KCNK10: variants seen among roughly 807,000 people sequenced by gnomAD.
KCNK10 encodes potassium channel subfamily K member 10.
KCNK10 carries 25 observed loss-of-function variants against 47.7 expected under a neutral mutation model. That is an observed-to-expected ratio of 0.52 (90% CI 0.38 to 0.73). The LOEUF is 0.73. Among genes scored for constraint, KCNK10 ranks in the 30% least tolerant of loss-of-function variants. The pLI is 0.00. For missense variants in KCNK10, 563 were observed against 714.5 expected, an observed-to-expected ratio of 0.79 and a Z score of 2.42; for synonymous variants, 303 against 285.6, an observed-to-expected ratio of 1.06 and a Z score of -0.61.
At chr14:88,192,012 A>G (rs1320290073) in intron 5 of KCNK10, among the ~76,000 whole-genome samples, 2 of 152,234 alleles carry the variant, frequency 1.3e-5, no homozygotes, top group African/African-American at 4.8e-5. Flanking sequence ...TGAGAAGGAA[A>G]GGGTTGGCTT....
intron 1 of KCNK10, among the ~76,000 whole-genome samples, chr14:88,309,652 T>C (rs189555880): frequency 4.9e-4 from 75 of 152,278 alleles, no homozygotes; most frequent in Non-Finnish European, 9.0e-4. Context: ...CCAACACCCG[T>C]TGGCATTGCC....
chr14:88,244,521 T>C (rs1439245463), intron 2 of KCNK10, among the ~76,000 whole-genome samples: 5 of 151,942 alleles, frequency 3.3e-5, no homozygotes, highest in African/African-American at 1.2e-4. Context: ...ACAAAAATAT[T>C]AGCCAGGCGT....
intron 3 of KCNK10, among the ~76,000 whole-genome samples, chr14:88,232,023 G>T (rs548197936): frequency 7.9e-5 from 12 of 152,216 alleles, no homozygotes; most frequent in African/African-American, 2.9e-4. Context: ...AGCCTTTCTG[G>T]AAAGAAATTT....
chr14:88,288,819 G>T (rs1048625530), intron 1 of KCNK10, among the ~76,000 whole-genome samples: 1 of 152,082 alleles, frequency 6.6e-6, no homozygotes, highest in Non-Finnish European at 1.5e-5. Context: ...TCTTGCCCAG[G>T]GCCTTACAGG....
At chr14:88,303,792 TA>T in intron 1 of KCNK10, among the ~76,000 whole-genome samples, 1 of 152,284 alleles carries the variant, frequency 6.6e-6, no homozygotes, top group Middle Eastern at 3.4e-3. Context: ...TTCTTTTTTT[TA>T]TCAATGATGT....
intron 1 of KCNK10, among the ~76,000 whole-genome samples, chr14:88,287,423 G>C (rs1296537341): frequency 6.6e-6 from 1 of 152,074 alleles, no homozygotes; most frequent in African/African-American, 2.4e-5. Context: ...CCCATCACCC[G>C]AGCAGTGTAC....
chr14:88,316,438 G>A (rs1888432059), intron 1 of KCNK10, among the ~76,000 whole-genome samples: 1 of 152,168 alleles, frequency 6.6e-6, no homozygotes, highest in East Asian at 1.9e-4. Context: ...TAGATAAACT[G>A]TAAAGTCTCC....
intron 5 of KCNK10, among the ~76,000 whole-genome samples, chr14:88,189,928 T>G (rs1469170495): frequency 6.6e-6 from 1 of 152,190 alleles, no homozygotes. Flanking sequence ...GGGTCTGGCC[T>G]AACTGCAGTC....
At chr14:88,216,847 GC>G (rs1885635894) in intron 4 of KCNK10, among the ~76,000 whole-genome samples, 1 of 152,092 alleles carries the variant, frequency 6.6e-6, no homozygotes, top group Non-Finnish European at 1.5e-5. Context: ...TAAAACCAGG[GC>G]CTTCTCTCTG....
rs1281578013 is a variant in KCNK10, at chr14:88,203,074, T to C, written c.682-10664A>G. On this transcript the variant is annotated intron_variant, in intron 4 of 6. Transcript: ENST00000319231. The stretch of plus-strand genomic sequence containing the variant: ...GAGCAGACATATCTTGGATGTTATA[T>C]AAAGAAACAGGGACCCTGTGGAAGC... Among the ~76,000 whole-genome samples the C allele has an allele frequency of 2.0e-5, 3 of 152,242 alleles. No homozygotes were observed. In the East Asian group the frequency reaches 5.8e-4, roughly 29 times the overall value.
rs1884383031 is a variant in KCNK10 at position 88,182,044 on chromosome 14, AC to A, written c.*3490del. On this transcript the variant is annotated 3_prime_UTR_variant, in exon 7 of 7. Coordinates refer to ENST00000319231, the MANE Select transcript of KCNK10 (RefSeq NM_138317.3). ...CAACACCACCCCAACCCGCACACAC[AC>A]ACACACACACACACACACACACACA... is the stretch of plus-strand genomic sequence containing the variant. 3 of 92,094 alleles carry A rather than the reference AC, an allele frequency of 3.3e-5. No individual in the cohort carries two copies. Among genetic ancestry groups the A allele is most frequent in the South Asian group, 2.9e-4 (1 of 3,436 alleles). The allele number at this position is 92,094 out of a possible 1,614,324, so 5.7% of individuals were successfully genotyped here.
At chr14:88,325,176 G>T (rs1382322946), upstream of KCNK10, among the ~76,000 whole-genome samples, 1 of 152,122 alleles carries the variant, frequency 6.6e-6, no homozygotes, top group Non-Finnish European at 1.5e-5. Context: ...TGTAAATTCT[G>T]TTCTCAAGTC....
intron 2 of KCNK10, among the ~76,000 whole-genome samples, chr14:88,242,283 G>C (rs1886501158): frequency 6.6e-6 from 1 of 152,188 alleles, no homozygotes; most frequent in African/African-American, 2.4e-5. Context: ...CTCTGAACCA[G>C]GGATCAACAA....
In KCNK10 at chr14:88,185,662, T is replaced by A. The variant is rs369002872; in HGVS notation, c.1505A>T (p.Asp502Val). 6 of 1,614,104 alleles carry A rather than the reference T, an allele frequency of 3.7e-6. No homozygotes were observed. The African/African-American group carries it at 8.0e-5, about 22-fold the overall frequency. Residue 502 changes from aspartate to valine, a missense_variant, in exon 7 of 7, where the codon GAC becomes GTC. Physicochemically the swap from Asp to Val is radical, Grantham distance 152 (BLOSUM62 -3). Coordinates refer to ENST00000319231, the MANE Select transcript of KCNK10 (RefSeq NM_138317.3). The surrounding 1 kb of genome is among the most constrained non-coding windows in gnomAD (Gnocchi z 4.3). ...CGTCAGCATGGCTGTGCTGGAGTTG[T>A]CTGAGTTACACATCTTTTCCGTCTC... ...EEETEKMCNS[D>V]NSSTAMLTDC... is the part of the protein sequence containing the mutation.
chr14:88,220,280 A>G lies in KCNK10; in HGVS notation c.681+7095T>C, dbSNP rs538794977. 5.6e-3 allele frequency among the ~76,000 whole-genome samples: 843 copies of G among 149,792 alleles called. 5 individuals carry two copies. Among genetic ancestry groups the G allele is most frequent in the Non-Finnish European group, 9.9e-3 (665 of 66,950 alleles). On this transcript the variant is annotated intron_variant, in intron 4 of 6. Transcript: ENST00000319231. ...AAAATACAAAAAATTAGCCGGGCGTAGTGGCGGGCGCCTGTAGTCCCAGCT... is the reference window on the plus strand; with the variant it reads ...AAAATACAAAAAATTAGCCGGGCGTGGTGGCGGGCGCCTGTAGTCCCAGCT...
At chr14:88,268,159 C>A (rs1327961290) in intron 1 of KCNK10, among the ~76,000 whole-genome samples, 1 of 152,208 alleles carries the variant, frequency 6.6e-6, no homozygotes, top group Non-Finnish European at 1.5e-5. Context: ...TAAGCATCTT[C>A]CAGCCTAAGG....
chr14:88,220,327 G>A (rs1365638136), intron 4 of KCNK10, among the ~76,000 whole-genome samples: 2 of 143,560 alleles, frequency 1.4e-5, no homozygotes, highest in African/African-American at 5.1e-5. Context: ...TGAGGCAGGA[G>A]AATGGCGTGA....
At chr14:88,227,597 TCA>T in intron 3 of KCNK10, 62 bp from the exon 4 acceptor site, 1 of 1,476,440 alleles carries the variant, frequency 6.8e-7, no homozygotes, top group Non-Finnish European at 9.1e-7. Flanking sequence ...ACCAAAGAAC[TCA>T]CAGACTTTTT....
chr14:88,305,467 T>C (rs1888185745), intron 1 of KCNK10, among the ~76,000 whole-genome samples: 1 of 152,146 alleles, frequency 6.6e-6, no homozygotes, highest in Admixed American at 6.6e-5. Flanking sequence ...TCATGCTGCA[T>C]GGATCACTCA....
Sources: gnomAD v4.1 joint callset for allele counts (sites outside exome capture counted in the v4.1 genomes callset) on GRCh38, gnomAD v4.1.1 for gene constraint, Gnocchi (gnomAD v3.1) non-coding constraint, MANE v1.5 for transcripts, NCBI Gene and HGNC (gene_info 2026-07-23, HGNC 2026-07-21) for gene names.